Variants in DYM observed in about 807,000 individuals in gnomAD.
DYM encodes the protein dymeclin.
Under a neutral mutation model 93.1 loss-of-function variants are expected in DYM, and 78 were observed. That is an observed-to-expected ratio of 0.84 (90% confidence interval 0.70 to 1.01). The LOEUF is 1.01. Among genes scored for constraint, DYM ranks in the 50% least tolerant of loss-of-function variants. The probability of loss-of-function intolerance (pLI) is 0.00; values close to 1 mark genes in which losing one functional copy is unlikely to be tolerated. For missense variants in DYM, 789 were observed against 845.0 expected, an observed-to-expected ratio of 0.93 and a Z score of 0.82; for synonymous variants, 321 against 319.7, an observed-to-expected ratio of 1.00 and a Z score of -0.04.
chr18:49,175,076 T>G (rs2089233538), intron 14 of DYM, among the ~76,000 whole-genome samples: 1 of 152,200 alleles, frequency 6.6e-6, no homozygotes, highest in Non-Finnish European at 1.5e-5. Context: ...TAATTATTTG[T>G]TTGCTTCAAT....
chr18:49,332,084 C>G, intron 7 of DYM, 78 bp from the exon 8 acceptor site: 1 of 1,401,294 alleles, frequency 7.1e-7, no homozygotes. Flanking sequence ...AGAAATAATT[C>G]TGCCATTAAC....
At chr18:49,444,989 A>G (rs115853300) in intron 1 of DYM, among the ~76,000 whole-genome samples, 305 of 152,286 alleles carry the variant, frequency 2.0e-3, no homozygotes, top group African/African-American at 6.7e-3. Context: ...TTAAACTCCA[A>G]TTAAGCCAAA....
intron 13 of DYM, among the ~76,000 whole-genome samples, chr18:49,251,127 A>G (rs1361942005): frequency 6.6e-6 from 1 of 152,252 alleles, no homozygotes; most frequent in African/African-American, 2.4e-5. Flanking sequence ...GCAAAATCAC[A>G]GTGAAGAGCA....
intron 13 of DYM, among the ~76,000 whole-genome samples, chr18:49,213,408 C>T (rs1465754480): frequency 6.6e-5 from 10 of 151,788 alleles, no homozygotes; most frequent in South Asian, 2.1e-4. Context: ...GCAATTCTAC[C>T]GGGTTCAAGC....
At chr18:49,326,858 T>C (rs1294288415) in intron 8 of DYM, among the ~76,000 whole-genome samples, 1 of 152,214 alleles carries the variant, frequency 6.6e-6, no homozygotes. Context: ...AGTTGGATGC[T>C]AAATTTACTG....
At chr18:49,229,135 AGATT>A (rs1485914247) in intron 13 of DYM, among the ~76,000 whole-genome samples, 1 of 36,616 alleles carries the variant, frequency 2.7e-5, no homozygotes, top group Non-Finnish European at 5.1e-5. Flanking sequence ...AACTAATTTT[AGATT>A]TATTAACCTA....
At chr18:49,327,917 C>T (rs987748551) in intron 8 of DYM, among the ~76,000 whole-genome samples, 2 of 152,176 alleles carry the variant, frequency 1.3e-5, no homozygotes, top group African/African-American at 4.8e-5. Flanking sequence ...GACACCCACA[C>T]AAGTCAAGGA....
At chr18:49,281,137 GAGA>G (rs1225219339) in intron 10 of DYM, among the ~76,000 whole-genome samples, 7 of 152,188 alleles carry the variant, frequency 4.6e-5, no homozygotes, top group Non-Finnish European at 7.3e-5. Context: ...CAAAAAGTGG[GAGA>G]AGGATATGAA....
chr18:49,282,030 T>C lies in DYM; in HGVS notation c.1092A>G (p.Thr364=). ...TLLHQNSNIR[T]YMLARTDMEN... ...CCATATCTGTGCGAGCCAACATGTA[T>C]GTTCTAATATTACTATTTTGATGGA... is the stretch of plus-strand genomic sequence containing the variant. Residue 364 remains threonine, a synonymous_variant, in exon 10 of 18, where the codon ACA becomes ACG. Transcript: ENST00000675505. The C allele has an allele frequency of 4.3e-6, 7 of 1,614,018 alleles. No homozygotes were observed. Among genetic ancestry groups the C allele is most frequent in the Non-Finnish European group, 5.9e-6 (7 of 1,179,942 alleles).
intron 2 of DYM, among the ~76,000 whole-genome samples, chr18:49,413,740 T>G (rs1471989828): frequency 6.6e-6 from 1 of 152,198 alleles, no homozygotes; most frequent in Non-Finnish European, 1.5e-5. Context: ...CCAGGCACAG[T>G]GGCTCAAGCC....
chr18:49,325,958 C>G (rs2062846040), intron 8 of DYM, among the ~76,000 whole-genome samples: 1 of 152,282 alleles, frequency 6.6e-6, no homozygotes, highest in Middle Eastern at 3.4e-3. Flanking sequence ...AGTACTGGCT[C>G]AACCACATGC....
intron 1 of DYM, among the ~76,000 whole-genome samples, chr18:49,441,284 T>A (rs888336315): frequency 1.3e-3 from 40 of 31,812 alleles, no homozygotes; most frequent in Non-Finnish European, 1.7e-3. Context: ...TATTATATAA[T>A]TATATATAAT....
chr18:49,156,803 T>C (rs1183310793), intron 15 of DYM, among the ~76,000 whole-genome samples: 1 of 150,820 alleles, frequency 6.6e-6, no homozygotes, highest in Non-Finnish European at 1.5e-5. Flanking sequence ...TTAGAGCTAG[T>C]CATATGCCCC....
chr18:49,384,905 A>C (rs900773400), intron 3 of DYM, among the ~76,000 whole-genome samples: 46 of 151,794 alleles, frequency 3.0e-4, no homozygotes, highest in African/African-American at 1.1e-3. Context: ...ACACAAAATC[A>C]GAGCCATAAT....
At chr18:49,206,671 T>C (rs2092526246) in intron 14 of DYM, 1 of 152,758 alleles carries the variant, frequency 6.5e-6, no homozygotes. Context: ...TGAAAGTTGG[T>C]TGGGGGTATG....
chr18:49,151,733 T>C (rs1257818250), intron 15 of DYM, among the ~76,000 whole-genome samples: 1 of 152,178 alleles, frequency 6.6e-6, no homozygotes, highest in Non-Finnish European at 1.5e-5. Context: ...GACAGCTGCT[T>C]TCTATTTGCC....
intron 17 of DYM, among the ~76,000 whole-genome samples, chr18:49,057,348 G>C (rs1428149072): frequency 2.6e-5 from 4 of 152,238 alleles, no homozygotes; most frequent in East Asian, 1.9e-4. Flanking sequence ...GCTGCTCCTT[G>C]AGCCCAGGTC....
At position 49,237,154 on chromosome 18, in the gene DYM, C is replaced by A. The variant is rs1262400919; in HGVS notation, c.1460+19856G>T. Among the ~76,000 whole-genome samples the A allele has an allele frequency of 3.3e-5, 5 of 152,132 alleles. No individual in the cohort carries two copies. In the East Asian group the frequency reaches 9.6e-4, roughly 29 times the overall value. On this transcript the variant is annotated intron_variant, in intron 13 of 17. Coordinates refer to ENST00000675505, the MANE Select transcript of DYM (RefSeq NM_001353214.3). ...TACACACTGAAAGGTTAGGTAACTT[C>A]CCAAGATCACACGGCTGGCAAGAAA...
At chr18:49,236,042 T>A (rs1326897775) in intron 13 of DYM, among the ~76,000 whole-genome samples, 1 of 152,220 alleles carries the variant, frequency 6.6e-6, no homozygotes, top group Non-Finnish European at 1.5e-5. Context: ...ACTTTTTTGT[T>A]CTGGAATGTC....
Sources: allele counts gnomAD v4.1 joint callset (sites outside exome capture counted in the v4.1 genomes callset), GRCh38; gene constraint gnomAD v4.1.1; transcripts MANE v1.5; gene names NCBI Gene and HGNC (gene_info 2026-07-23, HGNC 2026-07-21).